Variants in BAHCC1 observed in about 807,000 individuals in gnomAD.
BAHCC1 encodes the protein BAH domain and coiled-coil containing 1, also known as BAH and coiled-coil domain-containing protein 1.
Under a neutral mutation model 88.2 loss-of-function variants are expected in BAHCC1, and 43 were observed. The ratio of observed to expected loss-of-function variants is 0.49; its 90% CI spans 0.38 to 0.63. BAHCC1 has a LOEUF of 0.63. BAHCC1 is among the 20% of genes least tolerant of loss of function. The pLI, the probability that BAHCC1 is intolerant of heterozygous loss-of-function variation, is 0.00. For missense variants in BAHCC1, 3,023 were observed against 1,654.8 expected (o/e 1.83, Z -14.34); for synonymous variants, 1,510 against 745.5 (o/e 2.03, Z -16.71).
At chr17:81,423,122 T>C (rs1276327793) in intron 2 of BAHCC1, among the ~76,000 whole-genome samples, 3 of 152,064 alleles carry the variant, frequency 2.0e-5, no homozygotes, top group African/African-American at 4.8e-5. Context: ...CACAGTCCCT[T>C]GGGCCGGCTC....
At chr17:81,396,697 T>A (rs2063749611) in intron 1 of BAHCC1, 1 of 152,086 alleles carries the variant, frequency 6.6e-6, no homozygotes. Context: ...AGCAAACTTG[T>A]AGAAGCTCCA....
chr17:81,430,332 G>A (rs2064246264), intron 3 of BAHCC1, among the ~76,000 whole-genome samples: 1 of 152,166 alleles, frequency 6.6e-6, no homozygotes, highest in African/African-American at 2.4e-5. Flanking sequence ...GATCCCCACT[G>A]AGGCCACTCG....
intron 27 of BAHCC1, 151 bp from the exon 28 acceptor site, chr17:81,463,460 C>T (rs1362974137): frequency 1.5e-6 from 1 of 646,872 alleles, no homozygotes. Context: ...TGGACCTGGT[C>T]CCTGGCAGGT....
At chr17:81,404,752 G>A (rs182172687) in intron 2 of BAHCC1, among the ~76,000 whole-genome samples, 171 of 152,292 alleles carry the variant, frequency 1.1e-3, no homozygotes, top group Middle Eastern at 3.4e-3. Flanking sequence ...AATAATGTGC[G>A]AGCGCTTGGG....
intron 3 of BAHCC1, among the ~76,000 whole-genome samples, chr17:81,437,418 C>T (rs1390862373): frequency 1.3e-5 from 2 of 152,226 alleles, no homozygotes; most frequent in African/African-American, 2.4e-5. Context: ...CCAGAAGCCA[C>T]ACTCCTTGTG....
chr17:81,457,400 T>C lies in BAHCC1; in HGVS notation c.4859-10T>C. ...ATCAAGTCATCAGGACCCCTCTGCCTCTCTCCCAGGCAGTGGCTATGACAG... is the reference window on the plus strand; with the variant it reads ...ATCAAGTCATCAGGACCCCTCTGCCCCTCTCCCAGGCAGTGGCTATGACAG... On this transcript the variant is annotated splice_polypyrimidine_tract_variant and intron_variant, in intron 16 of 27. Transcript: ENST00000675386. 2 of 763,512 alleles carry C rather than the reference T, an allele frequency of 2.6e-6. No individual in the cohort carries two copies. The highest frequency in any genetic ancestry group is 1.4e-5 in the South Asian group (1 of 71,802). The allele number at this position is 763,512 out of a possible 1,614,324, so 47.3% of individuals were successfully genotyped here. A position where few individuals can be genotyped will look rare whatever the true frequency, so the allele number is the denominator to read the frequency against.
intron 2 of BAHCC1, chr17:81,400,673 G>C (rs923895575): frequency 1.3e-5 from 2 of 153,340 alleles, no homozygotes; most frequent in African/African-American, 4.8e-5. Context: ...GAGCGAGGCG[G>C]ATTTGCTCCA....
In BAHCC1 at chr17:81,447,837, G is replaced by A. The variant is rs988984497; in HGVS notation, c.3965G>A (p.Arg1322Lys). 9.5e-6 allele frequency: 7 copies of A among 735,332 alleles called. No individual in the cohort carries two copies. The highest frequency in any genetic ancestry group is 1.7e-5 in the African/African-American group (1 of 58,154). 45.6% of individuals were successfully genotyped at this position (735,332 alleles called of 1,614,324 possible). Residue 1322 changes from arginine to lysine, a missense_variant, in exon 11 of 28, where the codon AGG (arginine) becomes AAG (lysine). By Grantham distance (26) the Arg-to-Lys change is conservative. Coordinates refer to ENST00000675386, the MANE Select transcript of BAHCC1 (RefSeq NM_001377448.1). ...GCAATCCAGCGGCAGAGGAGTGAGA[G>A]GACTGTGCCAGGTAAGCCCGGTGGT... Reference protein sequence around the residue: ...DLAIQRQRSERTVPEEEEDVL... With the variant: ...DLAIQRQRSEKTVPEEEEDVL...
At chr17:81,405,280 G>A (rs2063864911) in intron 2 of BAHCC1, among the ~76,000 whole-genome samples, 1 of 152,142 alleles carries the variant, frequency 6.6e-6, no homozygotes, top group Admixed American at 6.5e-5. Flanking sequence ...TTCCCATGCT[G>A]GTCTTGAGCT....
intron 2 of BAHCC1, among the ~76,000 whole-genome samples, chr17:81,405,225 G>A (rs887340779): frequency 6.6e-6 from 1 of 151,950 alleles, no homozygotes; most frequent in East Asian, 1.9e-4. Flanking sequence ...GTACCACCAC[G>A]CCCTAATTTT....
In BAHCC1 at chr17:81,442,987, C is replaced by A. The variant is rs782660693; in HGVS notation, c.1638C>A (p.His546Gln). The change falls in exon 5 of 28, where the codon CAC becomes CAA. Residue 546 changes from histidine to glutamine, a missense_variant. His to Gln is a conservative substitution (Grantham distance 24, BLOSUM62 0). Coordinates refer to ENST00000675386, the MANE Select transcript of BAHCC1 (RefSeq NM_001377448.1). ...CACAGAAGGTGGCCCGCATCAGGCA[C>A]CAGCAGCACTTGATGGCCGCCGAGG... ...PGAQKVARIRHQQHLMAAEVE... is the reference protein window; with the variant it reads ...PGAQKVARIRQQQHLMAAEVE... The A allele has an allele frequency of 3.9e-6, 3 of 779,018 alleles. No individual in the cohort carries two copies. The highest frequency in any genetic ancestry group is 7.2e-6 in the Non-Finnish European group (3 of 417,838). The allele number at this position is 779,018 out of a possible 1,614,324, so 48.3% of individuals were successfully genotyped here. A position where few individuals can be genotyped will look rare whatever the true frequency, so the allele number is the denominator to read the frequency against.
In BAHCC1 at chr17:81,451,516, G is replaced by T. The variant is rs186125314; in HGVS notation, c.3977-152G>T. 9.2e-4 allele frequency among the ~76,000 whole-genome samples: 140 copies of T among 152,272 alleles called. 1 individual carries two copies. Among genetic ancestry groups the T allele is most frequent in the Admixed American group, 1.8e-3 (27 of 15,300 alleles). On this transcript the variant is annotated intron_variant, in intron 11 of 27. Coordinates refer to ENST00000675386, the MANE Select transcript of BAHCC1 (RefSeq NM_001377448.1). ...AGCAAAACAGGGGTGCTGGGTGTCAGCCCTGGTGCCCACCTCACTCTTCCC... is the reference window on the plus strand; with the variant it reads ...AGCAAAACAGGGGTGCTGGGTGTCATCCCTGGTGCCCACCTCACTCTTCCC...
chr17:81,402,365 T>C (rs868976384), intron 2 of BAHCC1: 1 of 152,242 alleles, frequency 6.6e-6, no homozygotes, highest in Non-Finnish European at 1.5e-5. Context: ...GCTGCATGTA[T>C]TTTTTTAAAA....
rs782522364 is a variant in BAHCC1, at chr17:81,464,200, C to A, written c.*383C>A. 14 of 301,898 alleles carry A rather than the reference C, an allele frequency of 4.6e-5. No individual in the cohort carries two copies. The highest frequency in any genetic ancestry group is 8.5e-5 in the African/African-American group (4 of 47,200). The allele number at this position is 301,898 out of a possible 1,614,324, so 18.7% of individuals were successfully genotyped here. A position where few individuals can be genotyped will look rare whatever the true frequency, so the allele number is the denominator to read the frequency against. ...AATCAGGTGTGTTGTCTATTTATTT[C>A]TCTATGTAAATATTGTATTTCTGCG... On this transcript the variant is annotated 3_prime_UTR_variant, in exon 28 of 28. Transcript: ENST00000675386.
chr17:81,434,441 TAGA>T lies in BAHCC1; in HGVS notation c.359-3926_359-3924del, dbSNP rs2064308885. 6.6e-6 allele frequency among the ~76,000 whole-genome samples: 1 copy of T among 152,154 alleles called. No homozygotes were observed. Among genetic ancestry groups the T allele is most frequent in the Admixed American group, 6.5e-5 (1 of 15,284 alleles). On this transcript the variant is annotated intron_variant, in intron 3 of 27. Transcript: ENST00000675386. The surrounding 1 kb of genome is among the most constrained non-coding windows in gnomAD (Gnocchi z 4.9). The stretch of plus-strand genomic sequence containing the variant: ...TGTCAGGATGGTGGGGTGTCCGCTG[TAGA>T]AGGTTTTGTCCTCAAAGGCGTGCGG...
At position 81,447,709 on chromosome 17, in the gene BAHCC1, G is replaced by A. The variant is rs371788518; in HGVS notation, c.3837G>A (p.Pro1279=). The change falls in exon 11 of 28, where the codon CCG becomes CCA. Residue 1279 remains proline, a synonymous_variant. Transcript: ENST00000675386. ...NLGDLPSDSP[P]DPQPPAASGP... ...GGGACCTGCCCAGCGACAGCCCACC[G>A]GACCCTCAGCCCCCAGCGGCCTCTG... 1.4e-4 allele frequency: 105 copies of A among 734,282 alleles called. No individual in the cohort carries two copies. Among genetic ancestry groups the A allele is most frequent in the East Asian group, 1.1e-3 (41 of 38,416 alleles). The allele number at this position is 734,282 out of a possible 1,614,324, so 45.5% of individuals were successfully genotyped here. A position where few individuals can be genotyped will look rare whatever the true frequency, so the allele number is the denominator to read the frequency against.
chr17:81,441,824 C>G lies in BAHCC1; in HGVS notation c.482-7C>G, dbSNP rs782153654. The G allele has an allele frequency of 4.7e-6, 3 of 637,540 alleles. No individual in the cohort carries two copies. The highest frequency in any genetic ancestry group is 8.7e-6 in the Non-Finnish European group (3 of 346,410). The allele number at this position is 637,540 out of a possible 1,614,324, so 39.5% of individuals were successfully genotyped here. A position where few individuals can be genotyped will look rare whatever the true frequency, so the allele number is the denominator to read the frequency against. On this transcript the variant is annotated splice_polypyrimidine_tract_variant and splice_region_variant and intron_variant, in intron 4 of 27. Coordinates refer to ENST00000675386, the MANE Select transcript of BAHCC1 (RefSeq NM_001377448.1). ...CCTCCCATTGACCTTGGCTCTTTCC[C>G]ACACAGATAACTTCTACCTGCGCAA...
intron 2 of BAHCC1, chr17:81,402,290 G>A (rs2063826681): frequency 6.6e-6 from 1 of 152,216 alleles, no homozygotes; most frequent in African/African-American, 2.4e-5. Flanking sequence ...AGAAGCATCT[G>A]TAGCTGAAAG....
At chr17:81,440,401 C>T (rs778844710) in intron 4 of BAHCC1, among the ~76,000 whole-genome samples, 14 of 152,226 alleles carry the variant, frequency 9.2e-5, no homozygotes, top group Non-Finnish European at 1.9e-4. Flanking sequence ...AATTAGGTTT[C>T]GCTGGGGCTA....
Sources: gnomAD v4.1 joint callset for allele counts (sites outside exome capture counted in the v4.1 genomes callset) on GRCh38, gnomAD v4.1.1 for gene constraint, Gnocchi (gnomAD v3.1) non-coding constraint, MANE v1.5 for transcripts, NCBI Gene and HGNC (gene_info 2026-07-23, HGNC 2026-07-21) for gene names.